The following PLCZ1 variants were observed in gnomAD, a reference collection of about 807,000 sequenced individuals.
PLCZ1 encodes phospholipase C zeta 1.
Under a neutral mutation model 76.8 loss-of-function variants are expected in PLCZ1, and 64 were observed. That is an observed-to-expected ratio of 0.83 (90% CI 0.68 to 1.03). The LOEUF is 1.03. PLCZ1 is among the 50% of genes least tolerant of loss of function. The probability of loss-of-function intolerance (pLI) is 0.00; values close to 1 mark genes in which losing one functional copy is unlikely to be tolerated. For synonymous variants in PLCZ1, 248 were observed against 230.8 expected, an observed-to-expected ratio of 1.07 and a Z score of -0.68; for missense variants, 751 against 713.7, an observed-to-expected ratio of 1.05 and a Z score of -0.60.
intron 3 of PLCZ1, among the ~76,000 whole-genome samples, chr12:18,733,674 T>A (rs2150762916): frequency 6.6e-6 from 1 of 152,340 alleles, no homozygotes; most frequent in East Asian, 1.9e-4. Flanking sequence ...AATTTCATTT[T>A]TTACATGCGA....
intron 11 of PLCZ1, 25 bp from the exon 12 acceptor site, chr12:18,695,104 T>C: frequency 6.2e-7 from 1 of 1,600,722 alleles, no homozygotes; most frequent in Non-Finnish European, 8.6e-7. Flanking sequence ...TATTTTGACA[T>C]TGTCAGGTAA....
chr12:18,682,841 G>A (rs549766904), downstream of PLCZ1, among the ~76,000 whole-genome samples: 7 of 152,078 alleles, frequency 4.6e-5, no homozygotes, highest in African/African-American at 1.4e-4. Context: ...ACAAAAATAC[G>A]CAGTAGTGGG....
chr12:18,707,856 C>A (rs565854124), intron 6 of PLCZ1, among the ~76,000 whole-genome samples: 9 of 152,212 alleles, frequency 5.9e-5, no homozygotes, highest in Non-Finnish European at 1.0e-4. Flanking sequence ...TCACTTCTTG[C>A]TCTTTTGGGT....
intron 12 of PLCZ1, among the ~76,000 whole-genome samples, chr12:18,690,185 A>T (rs776309301): frequency 2.6e-5 from 4 of 152,114 alleles, no homozygotes; most frequent in Non-Finnish European, 4.4e-5. Context: ...AGGCACAAAT[A>T]AGGTGGAACA....
intron 3 of PLCZ1, among the ~76,000 whole-genome samples, chr12:18,727,656 C>T (rs571140440): frequency 3.3e-5 from 5 of 152,172 alleles, no homozygotes; most frequent in South Asian, 2.1e-4. Context: ...CAGGGTTCCT[C>T]GGAAGCCACA....
the PLCZ1 span, among the ~76,000 whole-genome samples, chr12:18,656,402 C>T: frequency 6.6e-6 from 1 of 152,044 alleles, no homozygotes; most frequent in African/African-American, 2.4e-5. Context: ...ATGGTCTCTA[C>T]TAAAAATACA....
the PLCZ1 span, among the ~76,000 whole-genome samples, chr12:18,673,003 C>T: frequency 6.6e-5 from 10 of 152,020 alleles, no homozygotes; most frequent in African/African-American, 2.2e-4. Context: ...GTACATGACA[C>T]AAAAGATGGC....
chr12:18,686,301 C>T (rs10841066), intron 13 of PLCZ1, among the ~76,000 whole-genome samples: 65,866 of 151,786 alleles, frequency 0.43, 14,773 homozygotes, highest in East Asian at 0.55. Flanking sequence ...TATAGCCCTA[C>T]TTAAAAGTCT....
chr12:18,659,041 C>T, the PLCZ1 span, among the ~76,000 whole-genome samples: 1 of 151,974 alleles, frequency 6.6e-6, no homozygotes, highest in Middle Eastern at 3.4e-3. Flanking sequence ...ATTGGAGAGG[C>T]AAGAGTTGCT....
the PLCZ1 span, chr12:18,647,940 CTG>C: frequency 2.5e-6 from 4 of 1,600,118 alleles, no homozygotes; most frequent in Non-Finnish European, 3.4e-6. Flanking sequence ...AAGAGTAAAA[CTG>C]TATTTGTGGG....
chr12:18,725,346 C>G (rs1405754785), intron 3 of PLCZ1, among the ~76,000 whole-genome samples: 3 of 152,068 alleles, frequency 2.0e-5, no homozygotes, highest in Non-Finnish European at 4.4e-5. Context: ...CACGTGACAG[C>G]AGCTCAGACT....
chr12:18,705,064 G>T, intron 7 of PLCZ1, 102 bp downstream of exon 7: 2 of 1,410,398 alleles, frequency 1.4e-6, no homozygotes, highest in Non-Finnish European at 2.0e-6. Flanking sequence ...TCAAAACTAA[G>T]CATTTTCATT....
intron 7 of PLCZ1, among the ~76,000 whole-genome samples, chr12:18,704,584 C>G (rs901829149): frequency 2.0e-5 from 3 of 152,066 alleles, no homozygotes; most frequent in Non-Finnish European, 2.9e-5. Context: ...TCCTCAGCCT[C>G]CCAAGGTGCT....
the PLCZ1 span, among the ~76,000 whole-genome samples, chr12:18,676,480 T>C: frequency 1.2e-4 from 19 of 152,222 alleles, no homozygotes; most frequent in African/African-American, 2.9e-4. Context: ...TAGTATCCCA[T>C]TGAGTACTCT....
At chr12:18,730,440 G>C (rs2150752674) in intron 3 of PLCZ1, among the ~76,000 whole-genome samples, 1 of 152,122 alleles carries the variant, frequency 6.6e-6, no homozygotes, top group African/African-American at 2.4e-5. Flanking sequence ...TACTAGATAA[G>C]AATAGTTTAT....
At chr12:18,671,643 G>A in the PLCZ1 span, among the ~76,000 whole-genome samples, 1 of 151,712 alleles carries the variant, frequency 6.6e-6, no homozygotes, top group Non-Finnish European at 1.5e-5. Context: ...CTACTATATT[G>A]GATATAAAAA....
chr12:18,687,703 A>G (rs1260486681), intron 13 of PLCZ1, among the ~76,000 whole-genome samples: 2 of 152,100 alleles, frequency 1.3e-5, no homozygotes, highest in Non-Finnish European at 2.9e-5. Context: ...CAAATAATTC[A>G]TTATAAAAAT....
intron 10 of PLCZ1, 86 bp downstream of exon 10, chr12:18,699,708 T>C (rs915227500): frequency 4.5e-5 from 60 of 1,344,672 alleles, no homozygotes; most frequent in Non-Finnish European, 6.1e-5. Context: ...ATATACATTT[T>C]ATAAATATCA....
chr12:18,695,353 A>C (rs1489588562), intron 11 of PLCZ1, among the ~76,000 whole-genome samples: 1 of 152,330 alleles, frequency 6.6e-6, no homozygotes, highest in Non-Finnish European at 1.5e-5. Context: ...ATTACAGAAT[A>C]ACAATGTTCA....
Sources: gnomAD v4.1 joint callset for allele counts (sites outside exome capture counted in the v4.1 genomes callset) on GRCh38, gnomAD v4.1.1 for gene constraint, MANE v1.5 for transcripts, NCBI Gene and HGNC (gene_info 2026-07-23, HGNC 2026-07-21) for gene names.